The following GPR35 variants were observed in gnomAD, a reference collection of about 807,000 sequenced individuals.
GPR35 encodes KYNA receptor.
For synonymous variants in GPR35, 207 were observed against 198.4 expected, an observed-to-expected ratio of 1.04 and a Z score of -0.36; for missense variants, 372 against 422.5, an observed-to-expected ratio of 0.88 and a Z score of 1.05.
chr2:240,630,024 C>T lies in GPR35; in HGVS notation c.72C>T (p.Tyr24=), dbSNP rs185181357. 21 of 1,612,892 alleles carry T rather than the reference C, an allele frequency of 1.3e-5. No individual in the cohort carries two copies. The highest frequency in any genetic ancestry group is 1.7e-4 in the Middle Eastern group (1 of 6,058). The change falls in exon 2 of 2, where the codon TAC becomes TAT. Residue 24 remains tyrosine (Y), a synonymous_variant. Transcript: ENST00000407714. ...TWPPAIKLGF[Y]AYLGVLLVLG... The stretch of plus-strand genomic sequence containing the variant: ...CCCCAGCGATCAAGCTGGGCTTCTA[C>T]GCCTACTTGGGCGTCCTGCTGGTGC...
rs1451652741 is a variant in GPR35, at chr2:240,630,669, G to A, written c.717G>A (p.Val239=). 4 of 1,613,160 alleles carry A rather than the reference G, an allele frequency of 2.5e-6. No individual in the cohort carries two copies. The highest frequency in any genetic ancestry group is 2.2e-5 in the South Asian group (2 of 91,096). The change falls in exon 2 of 2, where the codon GTG becomes GTA. Residue 239 remains valine, a synonymous_variant. Coordinates refer to ENST00000407714, the MANE Select transcript of GPR35 (RefSeq NM_005301.5). ...TGCCCCTGCACGTGGGGCTGACAGT[G>A]CGCCTCGCAGTGGGCTGGAACGCCT... ...CFLPLHVGLT[V]RLAVGWNACA... is the part of the protein sequence containing the mutation.
At chr2:240,610,393 TCTTTTA>T (rs1451208834) in intron 2 of GPR35, among the ~76,000 whole-genome samples, 2 of 152,248 alleles carry the variant, frequency 1.3e-5, no homozygotes, top group Non-Finnish European at 2.9e-5. Context: ...TTGTTTTCAT[TCTTTTA>T]CTTTTAACTT....
chr2:240,612,505 C>T (rs913239243), intron 2 of GPR35, among the ~76,000 whole-genome samples: 1 of 151,530 alleles, frequency 6.6e-6, no homozygotes, highest in African/African-American at 2.4e-5. Flanking sequence ...GGAGGTGCTG[C>T]CTGTCAGCTG....
intron 2 of GPR35, among the ~76,000 whole-genome samples, chr2:240,615,747 C>G (rs1416494455): frequency 6.6e-6 from 1 of 152,238 alleles, no homozygotes; most frequent in Admixed American, 6.5e-5. Context: ...ATGAACCTTT[C>G]CTTAATTGCA....
At chr2:240,629,436 G>A (rs1158974648) in intron 1 of GPR35, 1 of 155,922 alleles carries the variant, frequency 6.4e-6, no homozygotes, top group African/African-American at 2.4e-5. Flanking sequence ...TGCAGGTGTG[G>A]AGTCAAATGT....
In GPR35 at chr2:240,630,853, C is replaced by T. The variant is rs368342447; in HGVS notation, c.901C>T (p.Gln301Ter). Reference protein sequence around the residue: ...VAPSAKAHKSQDSLCVTLA With the variant: ...VAPSAKAHKS ...TCCCAGTGCTAAGGCCCACAAAAGC[C>T]AGGACTCTCTGTGCGTGACCCTCGC... Residue 301 changes from glutamine (Q) to a stop codon, truncating the protein, a stop_gained, in exon 2 of 2, where the codon CAG (glutamine) becomes TAG (stop). Coordinates refer to ENST00000407714, the MANE Select transcript of GPR35 (RefSeq NM_005301.5). LOFTEE classifies it high-confidence loss of function. 33 of 1,612,870 alleles carry T rather than the reference C, an allele frequency of 2.0e-5. No individual in the cohort carries two copies. The African/African-American group carries it at 4.4e-4, about 22-fold the overall frequency.
chr2:240,610,565 A>G (rs181995414), intron 2 of GPR35, among the ~76,000 whole-genome samples: 13 of 152,116 alleles, frequency 8.5e-5, no homozygotes, highest in Admixed American at 1.3e-4. Flanking sequence ...GATTCAAGCA[A>G]TCCTCCCATC....
intron 1 of GPR35, chr2:240,627,449 T>C (rs1156760273): frequency 6.6e-6 from 1 of 152,100 alleles, no homozygotes; most frequent in African/African-American, 2.4e-5. Context: ...CAGGAAAATT[T>C]AAATGTTGTA....
chr2:240,622,502 TACACTA>T (rs1265436721), upstream of GPR35, among the ~76,000 whole-genome samples: 1 of 152,226 alleles, frequency 6.6e-6, no homozygotes, highest in African/African-American at 2.4e-5. Context: ...AAACATGAAA[TACACTA>T]ACACTCACGA....
At position 240,630,303 on chromosome 2, in the gene GPR35, C is replaced by T. The variant is rs749560340; in HGVS notation, c.351C>T (p.Ala117=). The T allele has an allele frequency of 7.6e-6, 12 of 1,578,464 alleles. No homozygotes were observed. Among genetic ancestry groups the T allele is most frequent in the Admixed American group, 6.8e-5 (4 of 58,612 alleles). The change falls in exon 2 of 2, where the codon GCC becomes GCT. Residue 117 remains alanine, a synonymous_variant. Transcript: ENST00000407714. ...CCATCGCCGTGGACCGCTATGTGGC[C>T]GTGCGGCACCCGCTGCGTGCCCGCG... ...VTAIAVDRYV[A]VRHPLRARGL...
At chr2:240,606,905 G>C (rs528873299) in intron 2 of GPR35, among the ~76,000 whole-genome samples, 16 of 152,348 alleles carry the variant, frequency 1.1e-4, no homozygotes, top group African/African-American at 3.8e-4. Flanking sequence ...ACATACATAT[G>C]TTTGAAATCT....
Position 240,630,489 on chromosome 2 carries a change from A to C in GPR35, c.537A>C (p.Gly179=). The part of the protein sequence containing the change: ...NFNSMAFPLL[G]FYLPLAVVVF... ...ACTCCATGGCGTTCCCGCTGCTGGG[A>C]TTCTACCTGCCCCTGGCCGTGGTGG... Residue 179 remains glycine, a synonymous_variant, in exon 2 of 2, where the codon GGA becomes GGC. Transcript: ENST00000407714. 6.2e-7 allele frequency: 1 copy of C among 1,612,836 alleles called. No individual in the cohort carries two copies.
chr2:240,624,743 C>T (rs1385058943), upstream of GPR35, among the ~76,000 whole-genome samples: 1 of 152,210 alleles, frequency 6.6e-6, no homozygotes, highest in African/African-American at 2.4e-5. Flanking sequence ...GTGCTCTGCA[C>T]CATGGGGGCG....
intron 2 of GPR35, among the ~76,000 whole-genome samples, chr2:240,609,121 A>T (rs1329253848): frequency 2.0e-5 from 3 of 151,796 alleles, no homozygotes; most frequent in Admixed American, 6.6e-5. Flanking sequence ...TTTTTCTTTG[A>T]TCAATCTAGC....
intron 1 of GPR35, among the ~76,000 whole-genome samples, chr2:240,626,018 G>A (rs1300970261): frequency 5.7e-5 from 5 of 87,090 alleles, no homozygotes; most frequent in South Asian, 8.1e-4. Flanking sequence ...TCTCAGAGTG[G>A]GGTGAGGCTG....
intron 2 of GPR35, chr2:240,607,144 G>C (rs114083698): frequency 6.6e-6 from 1 of 151,868 alleles, no homozygotes; most frequent in Non-Finnish European, 1.5e-5. Context: ...ATCTATGAAC[G>C]TGGTATACCC....
At chr2:240,621,606 C>T (rs564997324), upstream of GPR35, among the ~76,000 whole-genome samples, 315 of 152,272 alleles carry the variant, frequency 2.1e-3, 2 homozygotes, top group African/African-American at 7.0e-3. Context: ...AGGATCCAAG[C>T]GACTCATTTA....
exon 4 of GPR35, chr2:240,617,250 G>A: frequency 1.4e-6 from 1 of 695,012 alleles, no homozygotes; most frequent in South Asian, 1.6e-5. Context: ...TGAGCCTTCT[G>A]ATGAGACTGC....
exon 3 of GPR35, chr2:240,616,388 G>A: frequency 1.3e-6 from 1 of 772,358 alleles, no homozygotes; most frequent in Non-Finnish European, 2.4e-6. Flanking sequence ...CCCCTCCTAG[G>A]TCTCTTGCCC....
Sources: gnomAD v4.1 joint callset for allele counts (sites outside exome capture counted in the v4.1 genomes callset) on GRCh38, gnomAD v4.1.1 for gene constraint, MANE v1.5 for transcripts, NCBI Gene and HGNC (gene_info 2026-07-23, HGNC 2026-07-21) for gene names.